The following MGAT4C variants were observed in gnomAD, a reference collection of about 807,000 sequenced individuals.
The protein encoded by MGAT4C is MGAT4 family member C, also known as alpha-1,3-mannosyl-glycoprotein 4-beta-N-acetylglucosaminyltransferase C.
In MGAT4C, 19 loss-of-function variants were observed where a neutral mutation model predicts 40.1. The ratio of observed to expected loss-of-function variants is 0.47; its 90% confidence interval spans 0.33 to 0.70. MGAT4C has a LOEUF of 0.70. Ranked by LOEUF, MGAT4C falls within the 30% of genes least tolerant of loss-of-function variation. MGAT4C has a pLI of 0.02. For synonymous variants in MGAT4C, 181 were observed against 187.1 expected, an observed-to-expected ratio of 0.97 and a Z score of 0.27; for missense variants, 491 against 563.2, an observed-to-expected ratio of 0.87 and a Z score of 1.30.
intron 1 of MGAT4C, among the ~76,000 whole-genome samples, chr12:86,062,362 C>A (rs1437502174): frequency 6.6e-6 from 1 of 152,044 alleles, no homozygotes; most frequent in Admixed American, 6.6e-5. Context: ...CTCAGAGACC[C>A]CATCTGAAGA....
intron 2 of MGAT4C, among the ~76,000 whole-genome samples, chr12:86,006,845 T>C (rs531195735): frequency 6.6e-6 from 1 of 152,324 alleles, no homozygotes; most frequent in East Asian, 1.9e-4. Flanking sequence ...ATCCTGCTCC[T>C]TGGCTATAAC....
At chr12:86,241,043 A>G (rs1386213074) in intron 1 of MGAT4C, among the ~76,000 whole-genome samples, 3 of 152,166 alleles carry the variant, frequency 2.0e-5, no homozygotes, top group African/African-American at 7.2e-5. Context: ...GACGTTCATG[A>G]TTAGTTTTAA....
chr12:86,472,617 G>T (rs1021249470), intron 2 of MGAT4C, among the ~76,000 whole-genome samples: 8 of 151,488 alleles, frequency 5.3e-5, no homozygotes, highest in Admixed American at 3.3e-4. Flanking sequence ...TTTTCTTCTA[G>T]CTTAAAAGTT....
At chr12:86,071,085 C>T (rs563829756) in intron 1 of MGAT4C, among the ~76,000 whole-genome samples, 16 of 152,074 alleles carry the variant, frequency 1.1e-4, no homozygotes, top group African/African-American at 3.9e-4. Context: ...AGGCAATGGA[C>T]AATATGACAT....
At chr12:86,011,752 G>A (rs1888482813) in intron 2 of MGAT4C, 4 of 796,814 alleles carry the variant, frequency 5.0e-6, no homozygotes, top group Admixed American at 6.2e-5. Context: ...GAATAATACT[G>A]ATTACTAGGA....
At chr12:86,308,694 T>C (rs1953999438) in intron 4 of MGAT4C, among the ~76,000 whole-genome samples, 1 of 150,610 alleles carries the variant, frequency 6.6e-6, no homozygotes, top group Non-Finnish European at 1.5e-5. Context: ...AGCCATTCTT[T>C]CTTGCTTCAA....
intron 2 of MGAT4C, among the ~76,000 whole-genome samples, chr12:86,512,749 T>C (rs544061814): frequency 6.6e-6 from 1 of 151,970 alleles, no homozygotes; most frequent in East Asian, 1.9e-4. Flanking sequence ...AAGCAGAGGG[T>C]AGAATGGTGG....
At chr12:86,277,350 C>T (rs1953101729) in intron 4 of MGAT4C, among the ~76,000 whole-genome samples, 1 of 152,182 alleles carries the variant, frequency 6.6e-6, no homozygotes, top group Admixed American at 6.5e-5. Flanking sequence ...GCTGTCTCCT[C>T]ACTTTGCTGA....
At chr12:86,189,206 C>T (rs994939078) in intron 1 of MGAT4C, among the ~76,000 whole-genome samples, 12 of 152,002 alleles carry the variant, frequency 7.9e-5, no homozygotes, top group South Asian at 6.2e-4. Context: ...CGCTTTTCAA[C>T]GTCTCAACCC....
intron 2 of MGAT4C, among the ~76,000 whole-genome samples, chr12:86,452,358 C>G (rs1351571013): frequency 6.6e-6 from 1 of 150,964 alleles, no homozygotes; most frequent in Non-Finnish European, 1.5e-5. Flanking sequence ...CCACCCTCCC[C>G]CACCCCACAA....
chr12:86,662,185 A>T (rs557775628), intron 2 of MGAT4C, among the ~76,000 whole-genome samples: 1 of 152,302 alleles, frequency 6.6e-6, no homozygotes, highest in South Asian at 2.1e-4. Flanking sequence ...AAACGTCAGC[A>T]TGCTCAGAAA....
intron 2 of MGAT4C, among the ~76,000 whole-genome samples, chr12:86,653,051 T>C (rs1162084275): frequency 6.6e-6 from 1 of 151,960 alleles, no homozygotes; most frequent in African/African-American, 2.4e-5. Flanking sequence ...AATATTTTGT[T>C]TTAATTTTAA....
At chr12:86,215,649 G>T (rs1321903558) in intron 1 of MGAT4C, among the ~76,000 whole-genome samples, 2 of 152,080 alleles carry the variant, frequency 1.3e-5, no homozygotes, top group African/African-American at 4.8e-5. Flanking sequence ...TCACGTTGCT[G>T]TGGGGAGCTC....
At chr12:86,440,465 G>T (rs1489874702) in intron 2 of MGAT4C, among the ~76,000 whole-genome samples, 1 of 151,976 alleles carries the variant, frequency 6.6e-6, no homozygotes, top group Non-Finnish European at 1.5e-5. Flanking sequence ...CCTAGGCATA[G>T]AAGGAACATA....
At position 86,148,141 on chromosome 12, in the gene MGAT4C, T is replaced by A. The variant is rs1883799281; in HGVS notation, c.-56-98418A>T. ...AATGTCTAATTAAATGGCGCATTTT[T>A]AAAAGACTTCTTGCAAACACTCTTT... On this transcript the variant is annotated intron_variant, in intron 1 of 4. Coordinates refer to ENST00000611864, the MANE Select transcript of MGAT4C (RefSeq NM_001351288.2). Among the ~76,000 whole-genome samples the A allele has an allele frequency of 2.0e-5, 3 of 152,210 alleles. 1 individual carries two copies. In the South Asian group the frequency reaches 6.2e-4, roughly 31 times the overall value.
At position 86,566,067 on chromosome 12, in the gene MGAT4C, C is replaced by T. The variant is rs543293867; in HGVS notation, c.-228-130802G>A. Among the ~76,000 whole-genome samples the T allele has an allele frequency of 1.4e-4, 21 of 152,268 alleles. No homozygotes were observed. The East Asian group carries it at 3.9e-3, about 28-fold the overall frequency. ...GCGACAAGTTGATTATATTGGATCT[C>T]TTCTATCACGGAAAGGGCAGCAGTT... On this transcript the variant is annotated intron_variant, in intron 2 of 7. Coordinates refer to the MGAT4C transcript ENST00000548651.
intron 1 of MGAT4C, among the ~76,000 whole-genome samples, chr12:86,201,845 T>C (rs942951515): frequency 2.0e-5 from 3 of 152,110 alleles, no homozygotes; most frequent in African/African-American, 7.2e-5. Flanking sequence ...GGTTTTAATG[T>C]TTAGTGCAGA....
At chr12:86,569,657 G>A (rs1013727503) in intron 2 of MGAT4C, among the ~76,000 whole-genome samples, 2 of 151,980 alleles carry the variant, frequency 1.3e-5, no homozygotes, top group African/African-American at 4.8e-5. Flanking sequence ...AAAAATAGAA[G>A]TACCAAAAAT....
chr12:86,017,249 C>T (rs1335650957), intron 2 of MGAT4C, among the ~76,000 whole-genome samples: 1 of 152,012 alleles, frequency 6.6e-6, no homozygotes, highest in African/African-American at 2.4e-5. Context: ...ATCTCGAACT[C>T]GGAGCTATAA....
Sources: gnomAD v4.1 joint callset for allele counts (sites outside exome capture counted in the v4.1 genomes callset) on GRCh38, gnomAD v4.1.1 for gene constraint, MANE v1.5 for transcripts, NCBI Gene and HGNC (gene_info 2026-07-23, HGNC 2026-07-21) for gene names.